RAPGEF4: variants seen among roughly 807,000 people sequenced by gnomAD.
The protein encoded by RAPGEF4 is Rap guanine nucleotide exchange factor 4, also known as RAP guanine-nucleotide-exchange factor (GEF) 4.
Under a neutral mutation model 147.9 loss-of-function variants are expected in RAPGEF4, and 66 were observed. The ratio of observed to expected loss-of-function variants is 0.45; its 90% CI spans 0.37 to 0.55. RAPGEF4 has a LOEUF of 0.55. Ranked by LOEUF, RAPGEF4 falls within the 20% of genes least tolerant of loss-of-function variation. RAPGEF4 has a pLI of 0.00. For synonymous variants in RAPGEF4, 419 were observed against 442.7 expected (o/e 0.95, Z 0.67); for missense variants, 1,071 against 1,257.3 (o/e 0.85, Z 2.24).
intron 25 of RAPGEF4, 149 bp from the exon 26 acceptor site, chr2:173,030,015 G>C: frequency 1.8e-6 from 1 of 557,100 alleles, no homozygotes; most frequent in Non-Finnish European, 3.2e-6. Flanking sequence ...CACCCAAGTG[G>C]AACTTTTACA....
chr2:172,926,640 C>T (rs183456379), intron 6 of RAPGEF4, among the ~76,000 whole-genome samples: 3 of 152,238 alleles, frequency 2.0e-5, no homozygotes, highest in East Asian at 1.9e-4. Context: ...GGTGCAATCT[C>T]AGCTCACTGC....
At chr2:172,757,731 G>A (rs12619176) in intron 1 of RAPGEF4, among the ~76,000 whole-genome samples, 134,881 of 152,198 alleles carry the variant, frequency 0.89, 61,490 homozygotes, top group Non-Finnish European at 0.99. Flanking sequence ...TTGTAAACTT[G>A]CTTGCTACAT....
chr2:172,891,135 G>GA lies in RAPGEF4; in HGVS notation c.445-26657dup, dbSNP rs376819465. Among the ~76,000 whole-genome samples, 129 of 146,960 alleles carry GA rather than the reference G, an allele frequency of 8.8e-4. 3 individuals are homozygous for GA. The South Asian group carries it at 0.017, about 20-fold the overall frequency. ...AAGAGAGTGAGACTTTGTCTTTAAGGAAAAAAAAAAGGAATTTCAAGATGG... is the reference window on the plus strand; with the variant it reads ...AAGAGAGTGAGACTTTGTCTTTAAGGAAAAAAAAAAAGGAATTTCAAGATGG... On this transcript the variant is annotated intron_variant, in intron 4 of 30. Coordinates refer to ENST00000397081, the MANE Select transcript of RAPGEF4 (RefSeq NM_007023.4).
At chr2:173,012,677 G>A (rs766006730) in intron 17 of RAPGEF4, among the ~76,000 whole-genome samples, 8 of 152,328 alleles carry the variant, frequency 5.3e-5, no homozygotes, top group Non-Finnish European at 7.3e-5. Context: ...TTCATGGAGA[G>A]TAAATGGAAG....
chr2:172,999,105 C>CA (rs1559174026), intron 16 of RAPGEF4, among the ~76,000 whole-genome samples: 1 of 152,120 alleles, frequency 6.6e-6, no homozygotes, highest in African/African-American at 2.4e-5. Flanking sequence ...TCTTCTTCAT[C>CA]AAAAAAATTA....
chr2:172,736,279 G>T (rs1264654312), intron 1 of RAPGEF4: 2 of 327,744 alleles, frequency 6.1e-6, no homozygotes, highest in Non-Finnish European at 1.1e-5. Context: ...AAAATGCAGC[G>T]CAGTAAGGGG....
chr2:172,917,591 C>T (rs1273971107), intron 4 of RAPGEF4: 12 of 681,392 alleles, frequency 1.8e-5, no homozygotes, highest in Admixed American at 4.2e-5. Flanking sequence ...CCCCTGCCCC[C>T]GGGCACATTC....
intron 1 of RAPGEF4, among the ~76,000 whole-genome samples, chr2:172,772,691 C>CA (rs1300638618): frequency 6.6e-6 from 1 of 152,338 alleles, no homozygotes; most frequent in East Asian, 1.9e-4. Context: ...ACCAATGATT[C>CA]ATTAAATCCT....
intron 1 of RAPGEF4, among the ~76,000 whole-genome samples, chr2:172,750,417 C>T (rs998132439): frequency 6.6e-5 from 10 of 151,958 alleles, no homozygotes; most frequent in African/African-American, 2.4e-4. Flanking sequence ...CGTTTTTTTC[C>T]CTTTATAAAA....
intron 29 of RAPGEF4, chr2:173,048,214 A>G (rs1304795087): frequency 5.6e-6 from 1 of 178,056 alleles, no homozygotes; most frequent in Non-Finnish European, 1.2e-5. Context: ...ACTGTGAGGA[A>G]CTTGATAAGC....
intron 1 of RAPGEF4, among the ~76,000 whole-genome samples, chr2:172,781,820 C>T (rs1278540308): frequency 6.6e-6 from 1 of 152,136 alleles, no homozygotes; most frequent in Non-Finnish European, 1.5e-5. Context: ...ACAATGTAAA[C>T]AGGATGCAAA....
chr2:172,768,235 C>G (rs1440675480), intron 1 of RAPGEF4, among the ~76,000 whole-genome samples: 2 of 152,122 alleles, frequency 1.3e-5, no homozygotes, highest in African/African-American at 4.8e-5. Flanking sequence ...GGAGGGAGCT[C>G]AAGGCCATTG....
chr2:172,867,540 C>T (rs1198535969), intron 4 of RAPGEF4, among the ~76,000 whole-genome samples: 1 of 152,186 alleles, frequency 6.6e-6, no homozygotes, highest in East Asian at 1.9e-4. Flanking sequence ...GAGAATACTC[C>T]TTTGCTTATC....
At position 172,795,053 on chromosome 2, in the gene RAPGEF4, G is replaced by C; in HGVS notation, c.94G>C (p.Asp32His). 1 of 1,613,988 alleles carries C rather than the reference G, an allele frequency of 6.2e-7. No individual in the cohort carries two copies. Among genetic ancestry groups the C allele is most frequent in the Non-Finnish European group, 8.5e-7 (1 of 1,179,898 alleles). ...RPLERSSEDV[D>H]IIFTRLKEVK... ...ACTGGAGCGATCCAGCGAAGATGTG[G>C]ATATAATCTTCACTCGACTGAAAGA... Residue 32 changes from aspartate (D) to histidine (H), a missense_variant, in exon 2 of 31, where the codon GAT (aspartate) becomes CAT (histidine). Coordinates refer to ENST00000397081, the MANE Select transcript of RAPGEF4 (RefSeq NM_007023.4).
At chr2:172,798,648 C>CTTTTTTTTTTTTTTTTTTTTTT (rs1268901656) in intron 3 of RAPGEF4, among the ~76,000 whole-genome samples, 1 of 151,848 alleles carries the variant, frequency 6.6e-6, no homozygotes. Flanking sequence ...GAGGCTTTTT[C>CTTTTTTTTTTTTTTTTTTTTTT]ATAGGTAGCA....
chr2:173,035,120 T>A (rs1056825316), intron 27 of RAPGEF4, among the ~76,000 whole-genome samples: 3 of 151,712 alleles, frequency 2.0e-5, no homozygotes, highest in Non-Finnish European at 2.9e-5. Context: ...AGTGGTGCAA[T>A]CATGACTCAT....
intron 8 of RAPGEF4, among the ~76,000 whole-genome samples, chr2:172,962,904 T>G (rs934322368): frequency 3.3e-5 from 5 of 152,166 alleles, no homozygotes; most frequent in Non-Finnish European, 5.9e-5. Context: ...TAGTCTGTTT[T>G]CACACTGCTA....
chr2:173,040,318 A>G (rs1684600914), intron 29 of RAPGEF4, among the ~76,000 whole-genome samples: 1 of 152,138 alleles, frequency 6.6e-6, no homozygotes, highest in South Asian at 2.1e-4. Flanking sequence ...TTTTCTCCCC[A>G]TAAACTAACC....
intron 5 of RAPGEF4, among the ~76,000 whole-genome samples, chr2:172,920,232 A>C (rs2468392): frequency 0.27 from 41,019 of 151,954 alleles, 6,903 homozygotes; most frequent in African/African-American, 0.47. Context: ...ATTATTTTTG[A>C]CATTTTTTTT....
Sources: allele counts gnomAD v4.1 joint callset (sites outside exome capture counted in the v4.1 genomes callset), GRCh38; gene constraint gnomAD v4.1.1; transcripts MANE v1.5; gene names NCBI Gene and HGNC (gene_info 2026-07-23, HGNC 2026-07-21).